The following CASK variants were observed in gnomAD, a reference collection of about 807,000 sequenced individuals.
CASK encodes the protein peripheral plasma membrane protein CASK.
CASK carries 4 observed loss-of-function variants against 82.9 expected under a neutral mutation model. The ratio of observed to expected loss-of-function variants is 0.05; its 90% CI spans 0.02 to 0.11. The LOEUF is 0.11. Ranked by LOEUF, CASK falls within the 10% of genes least tolerant of loss-of-function variation. The pLI, the probability that CASK is intolerant of heterozygous loss-of-function variation, is 1.00. For synonymous variants in CASK, 259 were observed against 253.5 expected, an observed-to-expected ratio of 1.02 and a Z score of -0.20; for missense variants, 358 against 720.9, an observed-to-expected ratio of 0.50 and a Z score of 5.76.
intron 5 of CASK, among the ~76,000 whole-genome samples, chrX:41,722,389 T>C (rs1422348298): frequency 8.9e-6 from 1 of 112,491 alleles, no homozygotes; most frequent in Admixed American, 9.4e-5. Flanking sequence ...CAAAAAGGCA[T>C]TGCAGCTATG....
intron 12 of CASK, among the ~76,000 whole-genome samples, chrX:41,594,263 T>C (rs1343093675): frequency 2.7e-5 from 3 of 111,907 alleles, no homozygotes; most frequent in Non-Finnish European, 5.6e-5. Context: ...AAGTCTGGGA[T>C]TTGTAGGAGT....
intron 5 of CASK, among the ~76,000 whole-genome samples, chrX:41,703,193 T>C (rs2067831108): frequency 8.9e-6 from 1 of 112,310 alleles, no homozygotes. Context: ...CATACAAAAA[T>C]GGAAAAACAC....
intron 1 of CASK, among the ~76,000 whole-genome samples, chrX:41,915,648 G>A (rs982111506): frequency 9.0e-6 from 1 of 110,796 alleles, no homozygotes; most frequent in African/African-American, 3.3e-5. Context: ...TGGATCACCT[G>A]ACGTCAGGAG....
chrX:41,826,175 T>G (rs1165744286), intron 2 of CASK, among the ~76,000 whole-genome samples: 3 of 112,063 alleles, frequency 2.7e-5, no homozygotes, highest in Non-Finnish European at 5.6e-5. Flanking sequence ...GGCCAGAAAT[T>G]TTTTTGTCAT....
rs967154377 is a variant in CASK at position 41,715,521 on chromosome X, C to G, written c.429+23863G>C. On this transcript the variant is annotated intron_variant, in intron 5 of 26. Transcript: ENST00000378163. ...CCTGTAATCCCAGCTACTTGGGAGG[C>G]TGAGGCAAGAGAATCACTTGAACTC... Among the ~76,000 whole-genome samples, 9 of 109,469 alleles carry G rather than the reference C, an allele frequency of 8.2e-5. 1 individual carries two copies. Among genetic ancestry groups the G allele is most frequent in the Middle Eastern group, 9.3e-3 (2 of 214 alleles).
intron 1 of CASK, among the ~76,000 whole-genome samples, chrX:41,879,239 G>A (rs1426373144): frequency 9.0e-6 from 1 of 111,231 alleles, no homozygotes; most frequent in African/African-American, 3.3e-5. Flanking sequence ...TACTACAAGA[G>A]TACAGCAGTC....
intron 3 of CASK, among the ~76,000 whole-genome samples, chrX:41,746,754 T>C (rs1488030153): frequency 8.9e-6 from 1 of 111,890 alleles, no homozygotes; most frequent in Non-Finnish European, 1.9e-5. Flanking sequence ...GGAACTAACA[T>C]ACTTCCTATT....
At chrX:41,910,881 TG>T (rs2072551630) in intron 1 of CASK, among the ~76,000 whole-genome samples, 2 of 112,245 alleles carry the variant, frequency 1.8e-5, no homozygotes, top group South Asian at 7.4e-4. Context: ...CAAAATGTTT[TG>T]TTTTTTTTAA....
chrX:41,555,524 G>A (rs1303709420), intron 20 of CASK, 76 bp downstream of exon 20: 23 of 766,280 alleles, frequency 3.0e-5, no homozygotes, highest in Non-Finnish European at 4.5e-5. Context: ...AAACATTATG[G>A]GATGGAAAGG....
At chrX:41,551,892 A>G (rs2065102409) in intron 21 of CASK, among the ~76,000 whole-genome samples, 1 of 106,224 alleles carries the variant, frequency 9.4e-6, no homozygotes, top group Admixed American at 1.0e-4. Context: ...AAAAAAAAAA[A>G]AAAAAAAAAA....
intron 12 of CASK, among the ~76,000 whole-genome samples, chrX:41,595,190 T>A (rs1248293167): frequency 8.9e-6 from 1 of 112,835 alleles, no homozygotes; most frequent in African/African-American, 3.2e-5. Context: ...TTCTCTTCGA[T>A]CCTGCATGTG....
intron 2 of CASK, among the ~76,000 whole-genome samples, chrX:41,843,942 T>C (rs1343024679): frequency 8.9e-6 from 1 of 111,749 alleles, no homozygotes; most frequent in Non-Finnish European, 1.9e-5. Flanking sequence ...TTGGTAGACA[T>C]TTGGGTTCTA....
intron 2 of CASK, among the ~76,000 whole-genome samples, chrX:41,824,714 C>T (rs2070621848): frequency 9.0e-6 from 1 of 111,608 alleles, no homozygotes; most frequent in African/African-American, 3.3e-5. Context: ...CTCCAGAGGG[C>T]AGATTTCCAA....
At chrX:41,757,764 T>C (rs1218708333) in intron 3 of CASK, among the ~76,000 whole-genome samples, 3 of 112,121 alleles carry the variant, frequency 2.7e-5, no homozygotes, top group Non-Finnish European at 5.6e-5. Flanking sequence ...CCTCCCGAAG[T>C]GTTGGGATTA....
At chrX:41,680,258 C>T (rs1465000935) in intron 5 of CASK, among the ~76,000 whole-genome samples, 4 of 108,040 alleles carry the variant, frequency 3.7e-5, no homozygotes, top group Admixed American at 1.0e-4. Flanking sequence ...CCGAGGTGGG[C>T]GGATCAAGAG....
At chrX:41,816,917 T>C (rs993712850) in intron 2 of CASK, among the ~76,000 whole-genome samples, 3 of 110,344 alleles carry the variant, frequency 2.7e-5, no homozygotes, top group African/African-American at 9.9e-5. Flanking sequence ...GAAGAAATAA[T>C]ACCACATCTA....
chrX:41,691,201 C>G (rs2067549993), intron 5 of CASK, among the ~76,000 whole-genome samples: 1 of 111,889 alleles, frequency 8.9e-6, no homozygotes, highest in Non-Finnish European at 1.9e-5. Flanking sequence ...GTGCTAACAG[C>G]TTTCTGGAGA....
chrX:41,733,019 A>AT (rs1191983610), intron 5 of CASK, among the ~76,000 whole-genome samples: 3 of 109,777 alleles, frequency 2.7e-5, no homozygotes, highest in African/African-American at 6.6e-5. Flanking sequence ...ATATATATAT[A>AT]AAAAAAATTA....
intron 22 of CASK, 63 bp downstream of exon 22, chrX:41,542,628 T>C: frequency 1.4e-6 from 1 of 709,476 alleles, no homozygotes; most frequent in Middle Eastern, 2.9e-4. Flanking sequence ...ATTAAAATAT[T>C]ACATCTTTTT....
Sources: gnomAD v4.1 joint callset for allele counts (sites outside exome capture counted in the v4.1 genomes callset) on GRCh38, gnomAD v4.1.1 for gene constraint, MANE v1.5 for transcripts, NCBI Gene and HGNC (gene_info 2026-07-23, HGNC 2026-07-21) for gene names.